Variants in GALNT2 observed in about 807,000 individuals in gnomAD.
GALNT2 encodes the protein polypeptide N-acetylgalactosaminyltransferase 2.
GALNT2 carries 31 observed loss-of-function variants against 81.4 expected under a neutral mutation model. The observed-to-expected ratio is 0.38, with a 90% confidence interval of 0.29 to 0.51. The LOEUF (loss-of-function observed/expected upper bound fraction) is 0.51. Ranked by LOEUF, GALNT2 falls within the 20% of genes least tolerant of loss-of-function variation. GALNT2 has a pLI of 0.87. For synonymous variants in GALNT2, 303 were observed against 287.4 expected, an observed-to-expected ratio of 1.05 and a Z score of -0.55; for missense variants, 629 against 765.7, an observed-to-expected ratio of 0.82 and a Z score of 2.11.
intron 1 of GALNT2, among the ~76,000 whole-genome samples, chr1:230,121,773 T>G (rs1661021964): frequency 6.6e-6 from 1 of 152,066 alleles, no homozygotes; most frequent in Non-Finnish European, 1.5e-5. Context: ...TACCCCACTT[T>G]GCATAGATCC....
intron 1 of GALNT2, among the ~76,000 whole-genome samples, chr1:230,128,117 T>C (rs1187810508): frequency 6.6e-6 from 1 of 152,212 alleles, no homozygotes; most frequent in Non-Finnish European, 1.5e-5. Context: ...CCAATACCCA[T>C]GAGGCCAGGG....
At position 230,281,918 on chromosome 1, in the gene GALNT2, C is replaced by T. The variant is rs7022; in HGVS notation, c.*2460C>T. On this transcript the variant is annotated 3_prime_UTR_variant, in exon 16 of 16. Coordinates refer to ENST00000366672, the MANE Select transcript of GALNT2 (RefSeq NM_004481.5). ...GCCGAAGTTAGTTGTCTTCTCTGTGCTGGTCCTTTCTTATGTCCTCATAAA... is the reference window on the plus strand; with the variant it reads ...GCCGAAGTTAGTTGTCTTCTCTGTGTTGGTCCTTTCTTATGTCCTCATAAA... 1 of 152,282 alleles carries T rather than the reference C, an allele frequency of 6.6e-6. No individual in the cohort carries two copies. The highest frequency in any genetic ancestry group is 1.5e-5 in the Non-Finnish European group (1 of 68,008). 9.4% of individuals were successfully genotyped at this position (152,282 alleles called of 1,614,324 possible). A position where few individuals can be genotyped will look rare whatever the true frequency, so the allele number is the denominator to read the frequency against.
intron 2 of GALNT2, among the ~76,000 whole-genome samples, chr1:230,187,886 T>C (rs773668669): frequency 1.3e-5 from 2 of 151,982 alleles, no homozygotes; most frequent in Non-Finnish European, 2.9e-5. Context: ...CGGCTGTTTC[T>C]TCTCTCCTTC....
intron 12 of GALNT2, 35 bp downstream of exon 12, chr1:230,262,700 GGA>G: frequency 1.4e-6 from 2 of 1,470,746 alleles, no homozygotes; most frequent in Non-Finnish European, 1.9e-6. Context: ...CAATTACTGG[GGA>G]TTCTTGGGGT....
Position 230,067,262 on chromosome 1 carries a change from C to G in GALNT2, c.-19C>G, listed in dbSNP as rs1254603728. 7 of 1,292,212 alleles carry G rather than the reference C, an allele frequency of 5.4e-6. No homozygotes were observed. Among genetic ancestry groups the G allele is most frequent in the Middle Eastern group, 5.2e-4 (2 of 3,874 alleles). The allele number at this position is 1,292,212 out of a possible 1,614,324, so 80.0% of individuals were successfully genotyped here. A position where few individuals can be genotyped will look rare whatever the true frequency, so the allele number is the denominator to read the frequency against. Reference sequence around the variant, plus strand: ...CACTCGCGAGCAGCGGCGGCCCCGCCGGCGGCCGAGTTGGGAGAATGCGGC... The same window carrying G: ...CACTCGCGAGCAGCGGCGGCCCCGCGGGCGGCCGAGTTGGGAGAATGCGGC... On this transcript the variant is annotated 5_prime_UTR_variant, in exon 1 of 16. Transcript: ENST00000366672.
chr1:230,124,943 AC>A (rs1468416946), intron 1 of GALNT2, among the ~76,000 whole-genome samples: 5 of 152,136 alleles, frequency 3.3e-5, no homozygotes, highest in Non-Finnish European at 7.4e-5. Flanking sequence ...GGAGGAGCAC[AC>A]CCTGGTGTCT....
chr1:230,183,418 T>C (rs942082997), intron 2 of GALNT2, among the ~76,000 whole-genome samples: 13 of 152,184 alleles, frequency 8.5e-5, no homozygotes, highest in African/African-American at 3.1e-4. Flanking sequence ...TCCCATTTTC[T>C]CTCTCTTCTC....
Position 230,136,678 on chromosome 1 carries a change from G to A in GALNT2, c.127-41540G>A, listed in dbSNP as rs554838367. ...TCTGAGAGAGGACTTCAGAAATAACGGGGGCAACGTTCCGCTTTGATGCTA... is the reference window on the plus strand; with the variant it reads ...TCTGAGAGAGGACTTCAGAAATAACAGGGGCAACGTTCCGCTTTGATGCTA... On this transcript the variant is annotated intron_variant, in intron 1 of 15. Coordinates refer to ENST00000366672, the MANE Select transcript of GALNT2 (RefSeq NM_004481.5). 3.9e-5 allele frequency among the ~76,000 whole-genome samples: 6 copies of A among 152,280 alleles called. No homozygotes were observed. In the South Asian group the frequency reaches 1.0e-3, roughly 26 times the overall value.
intron 1 of GALNT2, among the ~76,000 whole-genome samples, chr1:230,155,401 C>G (rs918653095): frequency 6.6e-6 from 1 of 152,232 alleles, no homozygotes; most frequent in African/African-American, 2.4e-5. Flanking sequence ...CTCTTAATCC[C>G]GGTCATCATT....
At chr1:230,276,096 AAC>A (rs969347785) in intron 15 of GALNT2, among the ~76,000 whole-genome samples, 4 of 151,442 alleles carry the variant, frequency 2.6e-5, no homozygotes, top group Admixed American at 1.3e-4. Context: ...TACATATATA[AAC>A]ACATATATAC....
chr1:230,217,327 G>A (rs947403088), intron 3 of GALNT2, among the ~76,000 whole-genome samples: 1 of 152,170 alleles, frequency 6.6e-6, no homozygotes, highest in Non-Finnish European at 1.5e-5. Flanking sequence ...GGGAGTGTGC[G>A]TTTGAATAAC....
At chr1:230,211,926 C>G (rs890625727) in intron 3 of GALNT2, among the ~76,000 whole-genome samples, 9 of 152,130 alleles carry the variant, frequency 5.9e-5, no homozygotes, top group African/African-American at 2.2e-4. Flanking sequence ...GAGTCAGGTT[C>G]GGCAGGATGT....
intron 1 of GALNT2, among the ~76,000 whole-genome samples, chr1:230,166,835 G>C (rs1662619256): frequency 6.6e-6 from 1 of 152,190 alleles, no homozygotes; most frequent in Non-Finnish European, 1.5e-5. Flanking sequence ...CAGAATGGGG[G>C]AGAATTGCTG....
chr1:230,131,134 T>A (rs911702788), intron 1 of GALNT2, among the ~76,000 whole-genome samples: 51 of 152,212 alleles, frequency 3.4e-4, no homozygotes, highest in Admixed American at 5.2e-4. Context: ...GTTTTTTTTT[T>A]ATAAAAATTA....
At chr1:230,058,106 C>T (rs559448455) in intron 1 of GALNT2, 20 of 456,214 alleles carry the variant, frequency 4.4e-5, no homozygotes, top group East Asian at 2.1e-4. Flanking sequence ...CTAAAGTACA[C>T]GTATGTCCTT....
upstream of GALNT2, chr1:230,057,921 C>T (rs980544842): frequency 1.6e-4 from 67 of 416,932 alleles, no homozygotes; most frequent in Non-Finnish European, 2.9e-4. Context: ...AGGTAAGTGT[C>T]GTCCGGGGCT....
chr1:230,174,530 T>G (rs945177915), intron 1 of GALNT2, among the ~76,000 whole-genome samples: 3 of 152,080 alleles, frequency 2.0e-5, no homozygotes, highest in Non-Finnish European at 4.4e-5. Flanking sequence ...TTGCATTTCT[T>G]CTCGGTGGAC....
At chr1:230,101,798 C>T (rs1052289884) in intron 1 of GALNT2, among the ~76,000 whole-genome samples, 2 of 152,158 alleles carry the variant, frequency 1.3e-5, no homozygotes, top group Non-Finnish European at 2.9e-5. Context: ...CATCATGAAA[C>T]GTATAAGATG....
intron 3 of GALNT2, among the ~76,000 whole-genome samples, chr1:230,225,146 A>G (rs1273427037): frequency 1.3e-5 from 2 of 152,184 alleles, no homozygotes; most frequent in Non-Finnish European, 2.9e-5. Context: ...GATTTGGTGG[A>G]ATATTATGCC....
Sources: gnomAD v4.1 joint callset for allele counts (sites outside exome capture counted in the v4.1 genomes callset) on GRCh38, gnomAD v4.1.1 for gene constraint, MANE v1.5 for transcripts, NCBI Gene and HGNC (gene_info 2026-07-23, HGNC 2026-07-21) for gene names.